Variants in FANCD2 observed in about 807,000 individuals in gnomAD.
The protein encoded by FANCD2 is Fanconi anemia group D2 protein.
Under a neutral mutation model 192.3 loss-of-function variants are expected in FANCD2, and 131 were observed. That is an observed-to-expected ratio of 0.68 (90% CI 0.59 to 0.79). The LOEUF (loss-of-function observed/expected upper bound fraction) is 0.79. FANCD2 is among the 30% of genes least tolerant of loss of function. FANCD2 has a pLI of 0.00. For missense variants in FANCD2, 1,508 were observed against 1,701.6 expected (o/e 0.89, Z 2.00); for synonymous variants, 524 against 612.5 (o/e 0.86, Z 2.13).
At chr3:10,100,370 C>A (rs1401919348) in intron 43 of FANCD2, among the ~76,000 whole-genome samples, 1 of 152,136 alleles carries the variant, frequency 6.6e-6, no homozygotes, top group Non-Finnish European at 1.5e-5. Flanking sequence ...TTGAGATACA[C>A]CAGCACAGCA....
intron 18 of FANCD2, chr3:10,058,009 G>A (rs1011615344): frequency 2.5e-5 from 11 of 446,370 alleles, no homozygotes; most frequent in Non-Finnish European, 4.8e-5. Context: ...AAGCTATCAA[G>A]TTTGCCCTTT....
chr3:10,036,209 C>T, intron 6 of FANCD2, 78 bp from the exon 7 acceptor site: 1 of 1,263,476 alleles, frequency 7.9e-7, no homozygotes, highest in East Asian at 2.3e-5. Context: ...GTGCCTCAGC[C>T]TCCCAAGTAG....
chr3:10,094,410 C>A (rs778488560), intron 40 of FANCD2, 47 bp downstream of exon 40: 1 of 1,497,092 alleles, frequency 6.7e-7, no homozygotes, highest in Admixed American at 1.7e-5. Flanking sequence ...AAGAGTTGCT[C>A]AGAAGATATG....
chr3:10,039,383 A>G (rs1280329164), intron 8 of FANCD2, 26 bp downstream of exon 8: 2 of 1,560,770 alleles, frequency 1.3e-6, no homozygotes, highest in Non-Finnish European at 8.8e-7. Context: ...TTATCTCTTG[A>G]ATTTAAAGAG....
Position 10,047,870 on chromosome 3 carries a change from A to C in FANCD2, c.1279-47A>C, listed in dbSNP as rs764697233. Reference sequence around the variant, plus strand: ...TAAGCAACTCTTAGGTTGTGTACTAACTGTTTCCTACAGCTTCTTTTCTCT... The same window carrying C: ...TAAGCAACTCTTAGGTTGTGTACTACCTGTTTCCTACAGCTTCTTTTCTCT... On this transcript the variant is annotated intron_variant, in intron 15 of 43. Transcript: ENST00000675286. 9 of 1,429,528 alleles carry C rather than the reference A, an allele frequency of 6.3e-6. No homozygotes were observed. In the African/African-American group the frequency reaches 2.5e-4, roughly 40 times the overall value. The allele number at this position is 1,429,528 out of a possible 1,614,324, so 88.6% of individuals were successfully genotyped here. A position where few individuals can be genotyped will look rare whatever the true frequency, so the allele number is the denominator to read the frequency against.
rs541477540 is a variant in FANCD2 at position 10,062,095 on chromosome 3, T to C, written c.1767-56T>C. The stretch of plus-strand genomic sequence containing the variant: ...GTAACAAACCTGCACGTTGTGCACA[T>C]GTACCCTAAAACTTAAAGTATAATA... On this transcript the variant is annotated intron_variant, in intron 19 of 43. Coordinates refer to ENST00000675286, the MANE Select transcript of FANCD2 (RefSeq NM_001018115.3). 5.2e-6 allele frequency: 7 copies of C among 1,343,902 alleles called. No homozygotes were observed. The African/African-American group carries it at 1.0e-4, about 20-fold the overall frequency. The allele number at this position is 1,343,902 out of a possible 1,614,324, so 83.2% of individuals were successfully genotyped here.
At position 10,026,465 on chromosome 3, in the gene FANCD2, G is replaced by T; in HGVS notation, c.-42G>T. On this transcript the variant is annotated 5_prime_UTR_variant, in exon 1 of 44. Transcript: ENST00000675286. The stretch of plus-strand genomic sequence containing the variant: ...AAAGTCGAAAACTACGGGCGGCGAC[G>T]GCTTCTCGGTGAGTAAGTGGAGCAA... The T allele has an allele frequency of 2.1e-6, 1 of 466,246 alleles. No homozygotes were observed. The highest frequency in any genetic ancestry group is 2.8e-6 in the Non-Finnish European group (1 of 351,686). The allele number at this position is 466,246 out of a possible 1,614,324, so 28.9% of individuals were successfully genotyped here. A position where few individuals can be genotyped will look rare whatever the true frequency, so the allele number is the denominator to read the frequency against.
chr3:10,029,908 C>T (rs555279528), intron 2 of FANCD2, among the ~76,000 whole-genome samples: 3 of 151,886 alleles, frequency 2.0e-5, no homozygotes, highest in Non-Finnish European at 2.9e-5. Context: ...CTCAGTCTCC[C>T]GAGTAGCTGG....
At chr3:10,053,438 TAGTG>T (rs2087278894) in intron 18 of FANCD2, among the ~76,000 whole-genome samples, 2 of 151,632 alleles carry the variant, frequency 1.3e-5, no homozygotes, top group Non-Finnish European at 2.9e-5. Flanking sequence ...GATGACGAGT[TAGTG>T]GGTGCAGCAC....
chr3:10,098,525 G>A (rs1489340731), intron 42 of FANCD2, among the ~76,000 whole-genome samples, 195 bp from the exon 43 acceptor site: 1 of 152,020 alleles, frequency 6.6e-6, no homozygotes, highest in Non-Finnish European at 1.5e-5. Flanking sequence ...ATTGTATCAG[G>A]GCCACAGACA....
intron 13 of FANCD2, 32 bp from the exon 14 acceptor site, chr3:10,043,797 A>G (rs2086927078): frequency 6.2e-7 from 1 of 1,607,988 alleles, no homozygotes. Context: ...GATGTGTCAT[A>G]ATATTTTTGT....
At chr3:10,038,331 A>G (rs1415654691) in intron 7 of FANCD2, among the ~76,000 whole-genome samples, 3 of 152,058 alleles carry the variant, frequency 2.0e-5, no homozygotes, top group African/African-American at 7.2e-5. Flanking sequence ...TAAATGTCTC[A>G]TGCTGGATGC....
intron 41 of FANCD2, among the ~76,000 whole-genome samples, chr3:10,095,980 G>T (rs1694935134): frequency 6.6e-6 from 1 of 151,608 alleles, no homozygotes; most frequent in African/African-American, 2.4e-5. Flanking sequence ...CTCCCGGCTG[G>T]ACAGTGAATG....
At chr3:10,082,859 T>C (rs1339849688) in intron 32 of FANCD2, among the ~76,000 whole-genome samples, 2 of 152,216 alleles carry the variant, frequency 1.3e-5, no homozygotes, top group Admixed American at 6.6e-5. Flanking sequence ...CATTTTTATA[T>C]CCTCATTACT....
chr3:10,083,238 A>T (rs1414053697), intron 32 of FANCD2, among the ~76,000 whole-genome samples: 1 of 152,222 alleles, frequency 6.6e-6, no homozygotes, highest in African/African-American at 2.4e-5. Context: ...AAAAAAAAAA[A>T]ATCTGGGCCC....
Position 10,028,717 on chromosome 3 carries a change from C to T in FANCD2, c.60C>T (p.Ala20=), listed in dbSNP as rs2086518226. 1.2e-6 allele frequency: 2 copies of T among 1,612,888 alleles called. No individual in the cohort carries two copies. Among genetic ancestry groups the T allele is most frequent in the Admixed American group, 1.7e-5 (1 of 59,992 alleles). The change falls in exon 2 of 44, where the codon GCC becomes GCT. Residue 20 remains alanine (A), a synonymous_variant. Transcript: ENST00000675286. ...ATAAAGAGAGCCTGACAGAAGATGC[C>T]TCCAGTAAGTATCTAGTCATTTGTT... ...SEDKESLTED[A]SKTRKQPLSK... is the part of the protein sequence containing the mutation.
chr3:10,048,136 C>G, intron 16 of FANCD2, 85 bp downstream of exon 16: 1 of 1,582,112 alleles, frequency 6.3e-7, no homozygotes, highest in East Asian at 2.2e-5. Flanking sequence ...TTGGAACTCA[C>G]TGAAGGGGAA....
chr3:10,046,303 T>A (rs1254631102), intron 14 of FANCD2: 1 of 386,770 alleles, frequency 2.6e-6, no homozygotes, highest in Non-Finnish European at 4.9e-6. Flanking sequence ...TCTGCCCGCC[T>A]TGGCCTCCCA....
intron 19 of FANCD2, among the ~76,000 whole-genome samples, chr3:10,061,246 A>T (rs1295329899): frequency 6.6e-6 from 1 of 152,220 alleles, no homozygotes; most frequent in Non-Finnish European, 1.5e-5. Context: ...CTGGCTGCCC[A>T]GTGCTTTCTT....
Sources: allele counts gnomAD v4.1 joint callset (sites outside exome capture counted in the v4.1 genomes callset), GRCh38; gene constraint gnomAD v4.1.1; transcripts MANE v1.5; gene names NCBI Gene and HGNC (gene_info 2026-07-23, HGNC 2026-07-21).